The following PPM1A variants were observed in gnomAD, a reference collection of about 807,000 sequenced individuals.
The protein encoded by PPM1A is protein phosphatase 1A.
Under a neutral mutation model 35.0 loss-of-function variants are expected in PPM1A, and 7 were observed. The observed-to-expected ratio is 0.20, with a 90% CI of 0.11 to 0.38. The LOEUF (loss-of-function observed/expected upper bound fraction) is 0.38, where lower values mean the gene tolerates loss of function less well. PPM1A is among the 10% of genes least tolerant of loss of function. The pLI, the probability that PPM1A is intolerant of heterozygous loss-of-function variation, is 1.00. For synonymous variants in PPM1A, 153 were observed against 167.3 expected, an observed-to-expected ratio of 0.91 and a Z score of 0.66; for missense variants, 239 against 467.8, an observed-to-expected ratio of 0.51 and a Z score of 4.51.
intron 1 of PPM1A, among the ~76,000 whole-genome samples, chr14:60,264,320 A>G (rs1283047502): frequency 6.6e-6 from 1 of 151,722 alleles, no homozygotes; most frequent in Non-Finnish European, 1.5e-5. Flanking sequence ...ATGCTTCTGT[A>G]TGTAATTTTT....
At chr14:60,290,129 T>C (rs1028159092) in intron 4 of PPM1A, among the ~76,000 whole-genome samples, 4 of 152,184 alleles carry the variant, frequency 2.6e-5, no homozygotes, top group African/African-American at 9.7e-5. Flanking sequence ...GGGTTGTCTT[T>C]ATTGGAAGCT....
chr14:60,269,023 A>G (rs1884751536), intron 1 of PPM1A, among the ~76,000 whole-genome samples: 1 of 151,864 alleles, frequency 6.6e-6, no homozygotes, highest in Admixed American at 6.6e-5. Flanking sequence ...ATATAATCCA[A>G]TAATTATTTG....
At chr14:60,267,851 T>G (rs1429774712) in intron 1 of PPM1A, among the ~76,000 whole-genome samples, 1 of 152,146 alleles carries the variant, frequency 6.6e-6, no homozygotes, top group African/African-American at 2.4e-5. Context: ...CATATTCTCT[T>G]GGCATGCACA....
rs923219001 is a variant in PPM1A, at chr14:60,296,813, T to TGA, written c.*4335_*4336dup. 14 of 323,854 alleles carry TGA rather than the reference T, an allele frequency of 4.3e-5. No individual in the cohort carries two copies. Among genetic ancestry groups the TGA allele is most frequent in the African/African-American group, 2.1e-4 (10 of 47,366 alleles). 20.1% of individuals were successfully genotyped at this position (323,854 alleles called of 1,614,324 possible). On this transcript the variant is annotated 3_prime_UTR_variant, in exon 6 of 6. Transcript: ENST00000395076. This position sits in a 1 kb window ranked among gnomAD's most constrained non-coding sequence, Gnocchi z 4.4. ...TAGTCAAAATGCTCAATAGAAATGA[T>TGA]GAGAGGCATTGGTTCCAATTCATTG...
intron 1 of PPM1A, among the ~76,000 whole-genome samples, chr14:60,250,643 A>G (rs1882283694): frequency 1.3e-5 from 2 of 152,216 alleles, no homozygotes; most frequent in East Asian, 1.9e-4. Flanking sequence ...TTGGAAGAGT[A>G]TGAGAGATAG....
At position 60,297,487 on chromosome 14, in the gene PPM1A, A is replaced by C. The variant is rs1226203774; in HGVS notation, c.*5005A>C. 1.3e-5 allele frequency: 2 copies of C among 151,766 alleles called. No individual in the cohort carries two copies. The highest frequency in any genetic ancestry group is 3.0e-5 in the Non-Finnish European group (2 of 67,716). The allele number at this position is 151,766 out of a possible 1,614,324, so 9.4% of individuals were successfully genotyped here. On this transcript the variant is annotated 3_prime_UTR_variant, in exon 6 of 6. Coordinates refer to ENST00000395076, the MANE Select transcript of PPM1A (RefSeq NM_021003.5). ...AGAAGAATTAATGCAATGTTTCTTC[A>C]CTAGAAAACCCAACCCTTCATTTCT...
intron 1 of PPM1A, among the ~76,000 whole-genome samples, chr14:60,256,527 A>G (rs996793460): frequency 1.3e-5 from 2 of 152,236 alleles, no homozygotes; most frequent in African/African-American, 4.8e-5. Flanking sequence ...GCTTAGATCC[A>G]TTTGTTAGAG....
chr14:60,287,886 A>G, intron 3 of PPM1A: 3 of 985,346 alleles, frequency 3.0e-6, no homozygotes, highest in Non-Finnish European at 3.6e-6. Flanking sequence ...GATGACTGAT[A>G]GAATCCCTGA....
Position 60,292,585 on chromosome 14 carries a change from T to C in PPM1A, c.*103T>C. On this transcript the variant is annotated 3_prime_UTR_variant, in exon 6 of 6. Transcript: ENST00000395076. This position sits in a 1 kb window ranked among gnomAD's most constrained non-coding sequence, Gnocchi z 4.2. ...CCATCCTCAACTTTAAGGAAGGGGA[T>C]ATGACATGGGTGAGAATGATTACAT... 1 of 997,650 alleles carries C rather than the reference T, an allele frequency of 1.0e-6. No homozygotes were observed. The highest frequency in any genetic ancestry group is 1.5e-6 in the Non-Finnish European group (1 of 649,706). The allele number at this position is 997,650 out of a possible 1,614,324, so 61.8% of individuals were successfully genotyped here.
chr14:60,283,146 G>C lies in PPM1A; in HGVS notation c.443G>C (p.Arg148Thr). The C allele has an allele frequency of 6.2e-7, 1 of 1,614,230 alleles. No individual in the cohort carries two copies. Among genetic ancestry groups the C allele is most frequent in the Non-Finnish European group, 8.5e-7 (1 of 1,180,038 alleles). Residue 148 changes from arginine (R) to threonine (T), a missense_variant, in exon 2 of 6, where the codon AGA (arginine) becomes ACA (threonine). Transcript: ENST00000395076. The surrounding 1 kb of genome is among the most constrained non-coding windows in gnomAD (Gnocchi z 6.3). ...HTYFINCGDS[R>T]GLLCRNRKVH... ...TATTTCATTAACTGTGGAGACTCAA[G>C]AGGTTTACTTTGTAGGAACAGGAAA...
At position 60,293,244 on chromosome 14, in the gene PPM1A, A is replaced by C. The variant is rs1017621339; in HGVS notation, c.*762A>C. On this transcript the variant is annotated 3_prime_UTR_variant, in exon 6 of 6. Coordinates refer to ENST00000395076, the MANE Select transcript of PPM1A (RefSeq NM_021003.5). The surrounding 1 kb of genome is among the most constrained non-coding windows in gnomAD (Gnocchi z 4.0). ...TGATAAGCAGCAGCTTCCTACATAT[A>C]GTAGGAAACTGCCACATTTTTGCTA... is the stretch of plus-strand genomic sequence containing the variant. The C allele has an allele frequency of 6.6e-6, 1 of 152,062 alleles. No homozygotes were observed. The highest frequency in any genetic ancestry group is 2.1e-4 in the South Asian group (1 of 4,832). The allele number at this position is 152,062 out of a possible 1,614,324, so 9.4% of individuals were successfully genotyped here.
chr14:60,255,167 T>G (rs933810041), intron 1 of PPM1A, among the ~76,000 whole-genome samples: 4 of 107,232 alleles, frequency 3.7e-5, no homozygotes, highest in African/African-American at 1.7e-4. Context: ...ATGTTTTTTT[T>G]TTTTTTGTTT....
At chr14:60,281,728 C>T (rs1886429026) in intron 1 of PPM1A, among the ~76,000 whole-genome samples, 2 of 152,118 alleles carry the variant, frequency 1.3e-5, no homozygotes, top group Admixed American at 1.3e-4. Context: ...CTTGTGTGGG[C>T]CCATTCTAGA....
At chr14:60,261,373 T>C (rs918183847) in intron 1 of PPM1A, among the ~76,000 whole-genome samples, 7 of 152,160 alleles carry the variant, frequency 4.6e-5, no homozygotes, top group African/African-American at 1.7e-4. Context: ...AGGTAAAATA[T>C]TTAAAATATT....
In PPM1A at chr14:60,273,971, TC is replaced by T. The variant is rs1352171311; in HGVS notation, c.-20-8712del. ...ATGCAACACCGCACCCAGTGAATGT[TC>T]TTGGTTTGTATTCACCTTGGTGGGT... On this transcript the variant is annotated intron_variant, in intron 1 of 5. Transcript: ENST00000395076. The surrounding 1 kb of genome is among the most constrained non-coding windows in gnomAD (Gnocchi z 4.3). Among the ~76,000 whole-genome samples, 10 of 152,164 alleles carry T rather than the reference TC, an allele frequency of 6.6e-5. No individual in the cohort carries two copies. Among genetic ancestry groups the T allele is most frequent in the Non-Finnish European group, 1.5e-4 (10 of 68,026 alleles).
intron 1 of PPM1A, chr14:60,267,373 T>C (rs1435662549): frequency 6.6e-6 from 1 of 152,154 alleles, no homozygotes; most frequent in Non-Finnish European, 1.5e-5. Flanking sequence ...TTTTTAACTT[T>C]TAAAAAGATG....
Position 60,249,515 on chromosome 14 carries a change from G to T in PPM1A, c.-183G>T, listed in dbSNP as rs1359704892. 4 of 985,040 alleles carry T rather than the reference G, an allele frequency of 4.1e-6. No homozygotes were observed. The African/African-American group carries it at 7.0e-5, about 17-fold the overall frequency. The allele number at this position is 985,040 out of a possible 1,614,324, so 61.0% of individuals were successfully genotyped here. ...ACAGCCGGGGGCCCGGACGCAGCCC[G>T]GCTCCTCCCCTCCTCCGCCCCTTCC... is the stretch of plus-strand genomic sequence containing the variant. On this transcript the variant is annotated 5_prime_UTR_variant, in exon 1 of 6. Coordinates refer to ENST00000395076, the MANE Select transcript of PPM1A (RefSeq NM_021003.5). The surrounding 1 kb of genome is among the most constrained non-coding windows in gnomAD (Gnocchi z 4.5).
At chr14:60,266,476 G>A (rs1205174841) in intron 1 of PPM1A, among the ~76,000 whole-genome samples, 1 of 151,942 alleles carries the variant, frequency 6.6e-6, no homozygotes, top group African/African-American at 2.4e-5. Context: ...TACATCTACT[G>A]GTATTGTTTT....
chr14:60,271,044 G>A (rs571688759), intron 1 of PPM1A, among the ~76,000 whole-genome samples: 7 of 152,282 alleles, frequency 4.6e-5, no homozygotes, highest in African/African-American at 1.2e-4. Context: ...ACAAAATCAC[G>A]GTGTCACCAA....
Sources: allele counts gnomAD v4.1 joint callset (sites outside exome capture counted in the v4.1 genomes callset), GRCh38; gene constraint gnomAD v4.1.1; non-coding constraint Gnocchi (gnomAD v3.1); transcripts MANE v1.5; gene names NCBI Gene and HGNC (gene_info 2026-07-23, HGNC 2026-07-21).